Variants in P4HA1 observed in about 807,000 individuals in gnomAD.
P4HA1 encodes the protein prolyl 4-hydroxylase subunit alpha 1, also known as prolyl 4-hydroxylase subunit alpha-1.
P4HA1 carries 24 observed loss-of-function variants against 72.8 expected under a neutral mutation model. The observed-to-expected ratio is 0.33, with a 90% CI of 0.24 to 0.46. The LOEUF is 0.46. Ranked by LOEUF, P4HA1 falls within the 20% of genes least tolerant of loss-of-function variation. The pLI, the probability that P4HA1 is intolerant of heterozygous loss-of-function variation, is 1.00. For missense variants in P4HA1, 446 were observed against 640.6 expected (o/e 0.70, Z 3.28); for synonymous variants, 201 against 218.8 (o/e 0.92, Z 0.72).
intron 1 of P4HA1, among the ~76,000 whole-genome samples, chr10:73,093,226 A>G (rs1348763863): frequency 6.6e-6 from 1 of 152,148 alleles, no homozygotes; most frequent in African/African-American, 2.4e-5. Context: ...ATGAAACACT[A>G]AACATGAGGA....
At position 73,023,592 on chromosome 10, in the gene P4HA1, C is replaced by T. The variant is rs535932008; in HGVS notation, c.1248+6679G>A. Among the ~76,000 whole-genome samples, 140 of 152,166 alleles carry T rather than the reference C, an allele frequency of 9.2e-4. 1 individual carries two copies. The highest frequency in any genetic ancestry group is 3.4e-3 in the Middle Eastern group (1 of 294). ...GCTATGAAGAAACCGCATCAATTAA[C>T]GAGCAAAATAACCAGCGAACATCAT... On this transcript the variant is annotated intron_variant, in intron 10 of 14. Transcript: ENST00000394890.
intron 5 of P4HA1, among the ~76,000 whole-genome samples, chr10:73,057,315 C>A (rs1477453033): frequency 1.3e-5 from 2 of 151,258 alleles, no homozygotes; most frequent in African/African-American, 4.9e-5. Flanking sequence ...ATGGTGAAAC[C>A]CCGTCTCTAC....
intron 5 of P4HA1, among the ~76,000 whole-genome samples, chr10:73,066,418 G>A (rs1481823964): frequency 6.6e-6 from 1 of 152,022 alleles, no homozygotes; most frequent in East Asian, 1.9e-4. Context: ...CATTTTGATG[G>A]GAATATAATC....
At chr10:73,009,255 T>C (rs1839859398) in intron 14 of P4HA1, among the ~76,000 whole-genome samples, 1 of 151,912 alleles carries the variant, frequency 6.6e-6, no homozygotes, top group African/African-American at 2.4e-5. Flanking sequence ...AAAACTAATT[T>C]TACCTGTTTC....
At chr10:73,042,647 C>CT (rs765489216) in intron 9 of P4HA1, among the ~76,000 whole-genome samples, 88 of 146,220 alleles carry the variant, frequency 6.0e-4, no homozygotes, top group Middle Eastern at 3.6e-3. Context: ...CATTTTACAT[C>CT]TTTTTTTTTT....
At chr10:73,089,020 T>C (rs1238773940) in intron 1 of P4HA1, among the ~76,000 whole-genome samples, 1 of 152,214 alleles carries the variant, frequency 6.6e-6, no homozygotes, top group Admixed American at 6.5e-5. Flanking sequence ...TTAATTTCTA[T>C]AAGAAATCCT....
intron 1 of P4HA1, among the ~76,000 whole-genome samples, chr10:73,079,766 C>CAATAAA (rs953862885): frequency 2.0e-5 from 3 of 151,832 alleles, no homozygotes; most frequent in African/African-American, 4.8e-5. Flanking sequence ...AAATAAATAA[C>CAATAAA]AATAAAAATA....
chr10:73,008,340 T>C (rs1353539190), intron 14 of P4HA1, 48 bp from the exon 15 acceptor site: 6 of 1,167,608 alleles, frequency 5.1e-6, no homozygotes, highest in African/African-American at 3.0e-5. Flanking sequence ...ATCTAATCAG[T>C]ATTTAATTAG....
chr10:73,060,236 A>G (rs1282906263), intron 5 of P4HA1, among the ~76,000 whole-genome samples: 1 of 152,248 alleles, frequency 6.6e-6, no homozygotes, highest in Non-Finnish European at 1.5e-5. Context: ...TAATCATGTT[A>G]ATATCCTTAG....
chr10:73,067,421 C>T (rs1841451554), intron 5 of P4HA1, among the ~76,000 whole-genome samples: 1 of 152,106 alleles, frequency 6.6e-6, no homozygotes, highest in African/African-American at 2.4e-5. Flanking sequence ...AATAGCTCCG[C>T]ACTGCACTCA....
chr10:73,095,229 A>T (rs1842137037), intron 1 of P4HA1, among the ~76,000 whole-genome samples: 1 of 81,296 alleles, frequency 1.2e-5, no homozygotes, highest in Admixed American at 1.0e-4. Flanking sequence ...TCACAAGCTA[A>T]AAAAAAAAAA....
At chr10:73,051,432 C>T (rs934609866) in intron 6 of P4HA1, among the ~76,000 whole-genome samples, 183 bp from the exon 7 acceptor site, 1 of 151,920 alleles carries the variant, frequency 6.6e-6, no homozygotes, top group African/African-American at 2.4e-5. Context: ...TACTACTGCC[C>T]CCAAGTAAAT....
At chr10:73,036,126 G>T (rs1349579520) in intron 9 of P4HA1, among the ~76,000 whole-genome samples, 3 of 150,438 alleles carry the variant, frequency 2.0e-5, no homozygotes, top group Non-Finnish European at 4.4e-5. Flanking sequence ...GGCAGAGGTT[G>T]CAGTGAGCCG....
chr10:73,078,801 G>A (rs1343936272), intron 1 of P4HA1, among the ~76,000 whole-genome samples: 5 of 151,708 alleles, frequency 3.3e-5, no homozygotes, highest in East Asian at 1.9e-4. Context: ...TAGTAGAGAC[G>A]GGGTTTTGCC....
chr10:73,024,991 A>G (rs1411305670), intron 10 of P4HA1, among the ~76,000 whole-genome samples: 4 of 152,228 alleles, frequency 2.6e-5, no homozygotes, highest in African/African-American at 9.6e-5. Context: ...TGAGGCAATA[A>G]CAGCCTACCA....
chr10:73,009,277 T>A (rs530620690), intron 14 of P4HA1, among the ~76,000 whole-genome samples: 1 of 145,378 alleles, frequency 6.9e-6, no homozygotes, highest in Non-Finnish European at 1.5e-5. Flanking sequence ...TTTTACTTTT[T>A]AAAAATGTGG....
At chr10:73,037,549 A>T (rs1184082532) in intron 9 of P4HA1, among the ~76,000 whole-genome samples, 1 of 29,326 alleles carries the variant, frequency 3.4e-5, no homozygotes, top group Non-Finnish European at 6.3e-5. Flanking sequence ...ATATATATAT[A>T]TATATATATA....
At chr10:73,056,311 A>C (rs1841146748) in intron 5 of P4HA1, among the ~76,000 whole-genome samples, 1 of 152,230 alleles carries the variant, frequency 6.6e-6, no homozygotes, top group Non-Finnish European at 1.5e-5. Context: ...AATTATAATA[A>C]ATTTAAAAAT....
chr10:73,046,900 G>C, intron 8 of P4HA1, 25 bp downstream of exon 8: 4 of 1,513,244 alleles, frequency 2.6e-6, no homozygotes, highest in Non-Finnish European at 3.6e-6. Context: ...GTAAATTGAG[G>C]AGAAAGAAAG....
Sources: allele counts gnomAD v4.1 joint callset (sites outside exome capture counted in the v4.1 genomes callset), GRCh38; gene constraint gnomAD v4.1.1; transcripts MANE v1.5; gene names NCBI Gene and HGNC (gene_info 2026-07-23, HGNC 2026-07-21).